Variants in SYNE2 observed in about 807,000 individuals in gnomAD.
The protein encoded by SYNE2 is nesprin-2.
SYNE2 carries 431 observed loss-of-function variants against 856.3 expected under a neutral mutation model. The ratio of observed to expected loss-of-function variants is 0.50; its 90% CI spans 0.47 to 0.55. The LOEUF is 0.55. SYNE2 is among the 20% of genes least tolerant of loss of function. SYNE2 has a pLI of 0.00. For missense variants in SYNE2, 8,129 were observed against 8,023.2 expected (o/e 1.01, Z -0.50); for synonymous variants, 2,923 against 2,872.3 (o/e 1.02, Z -0.56).
At chr14:63,766,561 G>T (rs981929877) in intron 1 of SYNE2, among the ~76,000 whole-genome samples, 3 of 152,140 alleles carry the variant, frequency 2.0e-5, no homozygotes, top group Non-Finnish European at 4.4e-5. Context: ...TTATCCAGTG[G>T]CAGGGAGCTG....
intron 43 of SYNE2, among the ~76,000 whole-genome samples, chr14:64,028,157 G>T (rs748975703): frequency 6.6e-6 from 1 of 151,796 alleles, no homozygotes; most frequent in Non-Finnish European, 1.5e-5. Flanking sequence ...CTCCCGCCTT[G>T]GCCTCCCAAA....
chr14:64,223,110 G>A (rs1455221655), intron 112 of SYNE2, 79 bp from the exon 113 acceptor site: 2 of 1,493,770 alleles, frequency 1.3e-6, no homozygotes, highest in Non-Finnish European at 1.9e-6. Context: ...AATTTTTCTG[G>A]TACTGAGAAA....
Position 64,049,811 on chromosome 14 carries a change from G to A in SYNE2, c.7578G>A (p.Gln2526=), listed in dbSNP as rs756879583. 6.2e-7 allele frequency: 1 copy of A among 1,614,072 alleles called. No homozygotes were observed. Among genetic ancestry groups the A allele is most frequent in the Admixed American group, 1.7e-5 (1 of 59,994 alleles). ...AATATTGTGTCCTCAGAGATTTTCAGGAATACCTTGCTGCAGTTGAATCTT... is the reference window on the plus strand; with the variant it reads ...AATATTGTGTCCTCAGAGATTTTCAAGAATACCTTGCTGCAGTTGAATCTT... ...ESQYCVLRDF[Q]EYLAAVESSM... is the part of the protein sequence containing the mutation. The change falls in exon 47 of 116, where the codon CAG becomes CAA. Residue 2526 remains glutamine (Q), a synonymous_variant. Coordinates refer to ENST00000555002, the MANE Select transcript of SYNE2 (RefSeq NM_182914.3).
chr14:63,770,445 C>T (rs1886857504), intron 1 of SYNE2, among the ~76,000 whole-genome samples: 1 of 152,072 alleles, frequency 6.6e-6, no homozygotes, highest in Admixed American at 6.6e-5. Flanking sequence ...CTTGTAAATT[C>T]CTGTGGATGA....
intron 90 of SYNE2, chr14:64,166,877 G>A (rs2098382671): frequency 3.4e-6 from 1 of 290,276 alleles, no homozygotes; most frequent in Non-Finnish European, 6.7e-6. Flanking sequence ...AGGTTGCAGT[G>A]AGCCGAGATC....
At chr14:63,788,810 C>T (rs1352930069) in intron 1 of SYNE2, among the ~76,000 whole-genome samples, 1 of 152,170 alleles carries the variant, frequency 6.6e-6, no homozygotes, top group African/African-American at 2.4e-5. Context: ...GGAGTTTCCC[C>T]CAGAACTAAA....
chr14:63,779,258 A>G (rs1887220280), intron 1 of SYNE2, among the ~76,000 whole-genome samples: 1 of 151,778 alleles, frequency 6.6e-6, no homozygotes, highest in East Asian at 1.9e-4. Flanking sequence ...CTGGGAGGCT[A>G]AGGTTGCAGT....
At chr14:64,224,904 G>C in intron 114 of SYNE2, 95 bp from the exon 115 acceptor site, 1 of 1,159,200 alleles carries the variant, frequency 8.6e-7, no homozygotes. Context: ...CAACATAAAG[G>C]TGGTATATAA....
rs369223261 is a variant in SYNE2 at position 63,997,260 on chromosome 14, T to G, written c.3153-41T>G. Reference sequence around the variant, plus strand: ...GTCATGCTTGTTTAGGTTTCATTTTTCTTACCCTCTTTTAAACATGCAATT... The same window carrying G: ...GTCATGCTTGTTTAGGTTTCATTTTGCTTACCCTCTTTTAAACATGCAATT... On this transcript the variant is annotated intron_variant, in intron 24 of 115. Coordinates refer to ENST00000555002, the MANE Select transcript of SYNE2 (RefSeq NM_182914.3). 2.5e-6 allele frequency: 4 copies of G among 1,597,158 alleles called. No individual in the cohort carries two copies. In the African/African-American group the frequency reaches 4.0e-5, roughly 16 times the overall value.
intron 79 of SYNE2, among the ~76,000 whole-genome samples, chr14:64,138,951 GTGTGTGTGT>G (rs1567428750): frequency 1.2e-4 from 13 of 106,546 alleles, no homozygotes; most frequent in African/African-American, 4.7e-4. Context: ...TGTATGGTGT[GTGTGTGTGT>G]GTGTGTGTGT....
intron 1 of SYNE2, among the ~76,000 whole-genome samples, chr14:63,767,262 C>T (rs8012828): frequency 0.17 from 26,206 of 151,552 alleles, 2,353 homozygotes; most frequent in Admixed American, 0.21. Flanking sequence ...CCAGCCAACA[C>T]GCCCAGTTAA....
intron 49 of SYNE2, among the ~76,000 whole-genome samples, chr14:64,060,297 C>T (rs2097306418): frequency 6.6e-6 from 1 of 152,190 alleles, no homozygotes; most frequent in African/African-American, 2.4e-5. Context: ...CCAAGGCCCA[C>T]AGTGTGTACT....
intron 2 of SYNE2, among the ~76,000 whole-genome samples, chr14:63,913,053 C>T (rs1334233629): frequency 6.6e-6 from 1 of 152,134 alleles, no homozygotes; most frequent in Non-Finnish European, 1.5e-5. Flanking sequence ...CCCACCTCGG[C>T]CTCCCAAGTA....
upstream of SYNE2, among the ~76,000 whole-genome samples, chr14:63,852,061 C>CT (rs530352330): frequency 1.6e-5 from 2 of 126,890 alleles, no homozygotes; most frequent in African/African-American, 5.8e-5. Flanking sequence ...GAGGTAGAGG[C>CT]TGCAGTGAGT....
At chr14:63,764,015 T>C (rs1234484312) in intron 1 of SYNE2, among the ~76,000 whole-genome samples, 2 of 152,154 alleles carry the variant, frequency 1.3e-5, no homozygotes, top group Non-Finnish European at 2.9e-5. Flanking sequence ...TCTAAACTTT[T>C]GTCTTCCCAA....
chr14:63,986,913 G>A (rs901397691), intron 19 of SYNE2, among the ~76,000 whole-genome samples: 2 of 152,130 alleles, frequency 1.3e-5, no homozygotes, highest in Non-Finnish European at 2.9e-5. Context: ...ATGAGGAGAC[G>A]AGTGAGTTCA....
At chr14:63,840,579 G>A (rs553872519) in intron 1 of SYNE2, among the ~76,000 whole-genome samples, 1 of 150,932 alleles carries the variant, frequency 6.6e-6, no homozygotes, top group Non-Finnish European at 1.5e-5. Context: ...GGGTTTAAGG[G>A]ATCATCCCAC....
At chr14:63,923,889 C>T (rs2095629517) in intron 2 of SYNE2, among the ~76,000 whole-genome samples, 1 of 152,022 alleles carries the variant, frequency 6.6e-6, no homozygotes, top group African/African-American at 2.4e-5. Context: ...ATCTCTGCCT[C>T]CTGGGCTCAA....
rs559651093 is a variant in SYNE2, at chr14:64,212,743, A to G, written c.18862-68A>G. ...TTGGATGCTTTTCTATGGCCCTGTT[A>G]GAAGAAACAGGCAGTGGAAGCTCAG... On this transcript the variant is annotated intron_variant, in intron 104 of 115. Transcript: ENST00000555002. 43 of 1,419,128 alleles carry G rather than the reference A, an allele frequency of 3.0e-5. No individual in the cohort carries two copies. The East Asian group carries it at 9.1e-4, about 30-fold the overall frequency. 87.9% of individuals were successfully genotyped at this position (1,419,128 alleles called of 1,614,324 possible).
Sources: allele counts gnomAD v4.1 joint callset (sites outside exome capture counted in the v4.1 genomes callset), GRCh38; gene constraint gnomAD v4.1.1; transcripts MANE v1.5; gene names NCBI Gene and HGNC (gene_info 2026-07-23, HGNC 2026-07-21).